RIN1: variants seen among roughly 807,000 people sequenced by gnomAD.
RIN1 encodes the protein ras inhibitor 1.
Under a neutral mutation model 64.9 loss-of-function variants are expected in RIN1, and 52 were observed. The ratio of observed to expected loss-of-function variants is 0.80; its 90% CI spans 0.64 to 1.01. The LOEUF is 1.01. Among genes scored for constraint, RIN1 ranks in the 50% least tolerant of loss-of-function variants. The pLI, the probability that RIN1 is intolerant of heterozygous loss-of-function variation, is 0.00. For synonymous variants in RIN1, 486 were observed against 483.6 expected, an observed-to-expected ratio of 1.00 and a Z score of -0.06; for missense variants, 1,040 against 1,064.5, an observed-to-expected ratio of 0.98 and a Z score of 0.32.
chr11:66,333,973 T>G lies in RIN1; in HGVS notation c.1537A>C (p.Lys513Gln), dbSNP rs890391323. The stretch of plus-strand genomic sequence containing the variant: ...AGCTTGCAGGCCTGCAGGAGCCGCT[T>G]GACCTGGGCGCTGGGTGAGTAGGTG... ...LRTYSPSAQV[K>Q]RLLQACKLLY... The change falls in exon 7 of 10, where the codon AAG (lysine) becomes CAG (glutamine). Residue 513 changes from lysine to glutamine, a missense_variant. Coordinates refer to ENST00000311320, the MANE Select transcript of RIN1 (RefSeq NM_004292.3). The G allele has an allele frequency of 2.8e-5, 44 of 1,560,158 alleles. No individual in the cohort carries two copies. The highest frequency in any genetic ancestry group is 3.5e-5 in the Non-Finnish European group (40 of 1,152,866).
Position 66,333,633 on chromosome 11 carries a change from G to GATT in RIN1, c.1616_1617insAAT (p.Phe539delinsLeuIle). 1 of 1,611,040 alleles carries GATT rather than the reference G, an allele frequency of 6.2e-7. No homozygotes were observed. Among genetic ancestry groups the GATT allele is most frequent in the Admixed American group, 1.7e-5 (1 of 59,618 alleles). On this transcript the variant is annotated protein_altering_variant, in exon 8 of 10. Transcript: ENST00000311320. The stretch of plus-strand genomic sequence containing the variant: ...CCAAGACGAGGCTCAGCAGAGGCAG[G>GATT]AACTCGTCGGCACCCGCGCCCTCCC...
chr11:66,333,859 T>TG (rs1203325484), intron 7 of RIN1, 60 bp downstream of exon 7: 10 of 1,460,058 alleles, frequency 6.8e-6, no homozygotes, highest in Non-Finnish European at 9.1e-6. Context: ...GACCTGCCGC[T>TG]GGGGGGCCCG....
intron 1 of RIN1, 58 bp downstream of exon 1, chr11:66,336,259 G>A: frequency 2.6e-6 from 4 of 1,536,476 alleles, no homozygotes; most frequent in African/African-American, 1.4e-5. Context: ...TCCCCGGATA[G>A]GCCCTCCTCT....
At chr11:66,335,939 C>G (rs1467764481) in intron 2 of RIN1, 39 bp downstream of exon 2, 1 of 1,491,738 alleles carries the variant, frequency 6.7e-7, no homozygotes, top group Non-Finnish European at 8.9e-7. Flanking sequence ...CCCTCCCACC[C>G]CTGGCTGGCC....
chr11:66,335,562 C>T, intron 4 of RIN1, 48 bp downstream of exon 4: 1 of 1,612,782 alleles, frequency 6.2e-7, no homozygotes, highest in Non-Finnish European at 8.5e-7. Flanking sequence ...ATGGGCTGTC[C>T]CAAGGAGCAG....
chr11:66,334,283 G>T, intron 6 of RIN1, 59 bp from the exon 7 acceptor site: 1 of 1,343,962 alleles, frequency 7.4e-7, no homozygotes, highest in Non-Finnish European at 9.9e-7. Context: ...GCAGAGGCAA[G>T]GGGAGAAGGG....
chr11:66,335,057 G>C lies in RIN1; in HGVS notation c.742C>G (p.Arg248Gly), dbSNP rs141887009. 3.1e-5 allele frequency: 48 copies of C among 1,526,980 alleles called. No individual in the cohort carries two copies. The highest frequency in any genetic ancestry group is 4.2e-5 in the Non-Finnish European group (48 of 1,139,756). 94.6% of individuals were successfully genotyped at this position (1,526,980 alleles called of 1,614,324 possible). The change falls in exon 6 of 10, where the codon CGC (arginine) becomes GGC (glycine). Residue 248 changes from arginine (R) to glycine (G), a missense_variant. Transcript: ENST00000311320. ...GGGCTGGAGGTCTCTGTGGACACGC[G>C]CACTTTGAAGCTTCTCTTGAATTTC... ...REKFKRSFKV[R>G]VSTETSSPLS...
Position 66,334,920 on chromosome 11 carries a change from C to A in RIN1, c.879G>T (p.Val293=), listed in dbSNP as rs760473407. 2 of 1,586,700 alleles carry A rather than the reference C, an allele frequency of 1.3e-6. No homozygotes were observed. Among genetic ancestry groups the A allele is most frequent in the African/African-American group, 1.3e-5 (1 of 74,580 alleles). ...PCQLLRRESS[V]GYRVPAGSGP... is the part of the protein sequence containing the mutation. ...CACTGCCTGCTGGCACGCGGTACCC[C>A]ACTGAGCTCTCCCTCCGTAGCAGCT... Residue 293 remains valine (V), a synonymous_variant, in exon 6 of 10, where the codon GTG becomes GTT. Coordinates refer to ENST00000311320, the MANE Select transcript of RIN1 (RefSeq NM_004292.3).
chr11:66,335,258 A>T lies in RIN1; in HGVS notation c.548-7T>A. 1 of 1,572,492 alleles carries T rather than the reference A, an allele frequency of 6.4e-7. No individual in the cohort carries two copies. On this transcript the variant is annotated splice_polypyrimidine_tract_variant and splice_region_variant and intron_variant, in intron 5 of 9. Coordinates refer to ENST00000311320, the MANE Select transcript of RIN1 (RefSeq NM_004292.3). ...AGGGAGGAGCTCCAGAACTCTAGGG[A>T]ACAAGAAACCGACTGGGGCCTCCGG... is the stretch of plus-strand genomic sequence containing the variant.
upstream of RIN1, chr11:66,336,601 C>G: frequency 1.8e-6 from 1 of 561,244 alleles, no homozygotes; most frequent in Admixed American, 3.2e-5. Flanking sequence ...TCCATGCTAG[C>G]CCTGCTCTGA....
rs1040902890 is a variant in RIN1, at chr11:66,332,088, C to T, written c.*188G>A. The T allele has an allele frequency of 2.9e-5, 19 of 648,206 alleles. No individual in the cohort carries two copies. Among genetic ancestry groups the T allele is most frequent in the Non-Finnish European group, 3.7e-5 (14 of 376,512 alleles). 40.2% of individuals were successfully genotyped at this position (648,206 alleles called of 1,614,324 possible). ...CTTGGGCACACAGTCTGGGGGCCCC[C>T]GAAGCCCCCTCATCTTTATTCCAGT... On this transcript the variant is annotated 3_prime_UTR_variant, in exon 10 of 10. Transcript: ENST00000311320.
At position 66,331,274 on chromosome 11, in the gene RIN1, C is replaced by G. The variant is rs1279823386; in HGVS notation, c.*1002G>C. 6.6e-6 allele frequency: 1 copy of G among 152,288 alleles called. No individual in the cohort carries two copies. Among genetic ancestry groups the G allele is most frequent in the South Asian group, 2.1e-4 (1 of 4,838 alleles). 9.4% of individuals were successfully genotyped at this position (152,288 alleles called of 1,614,324 possible). A position where few individuals can be genotyped will look rare whatever the true frequency, so the allele number is the denominator to read the frequency against. Reference sequence around the variant, plus strand: ...GATGCCCTGGTTTGGGCGGGGGAACCCTTAAGGACTTGCTATATGACATCC... The same window carrying G: ...GATGCCCTGGTTTGGGCGGGGGAACGCTTAAGGACTTGCTATATGACATCC... On this transcript the variant is annotated 3_prime_UTR_variant, in exon 10 of 10. Coordinates refer to ENST00000311320, the MANE Select transcript of RIN1 (RefSeq NM_004292.3).
In RIN1 at chr11:66,333,642, G is replaced by A. The variant is rs370791690; in HGVS notation, c.1608C>T (p.Ala536=). 15 of 1,612,384 alleles carry A rather than the reference G, an allele frequency of 9.3e-6. No individual in the cohort carries two copies. The highest frequency in any genetic ancestry group is 1.3e-5 in the African/African-American group (1 of 74,900). Residue 536 remains alanine (A), a synonymous_variant, in exon 8 of 10, where the codon GCC becomes GCT. Coordinates refer to ENST00000311320, the MANE Select transcript of RIN1 (RefSeq NM_004292.3). ...LRTQEGEGAG[A]DEFLPLLSLV... is the part of the protein sequence containing the mutation. ...GGCTCAGCAGAGGCAGGAACTCGTC[G>A]GCACCCGCGCCCTCCCCTGTGGGGA...
At chr11:66,335,535 C>A (rs769139792) in intron 4 of RIN1, 37 bp from the exon 5 acceptor site, 1 of 1,612,880 alleles carries the variant, frequency 6.2e-7, no homozygotes, top group Non-Finnish European at 8.5e-7. Flanking sequence ...GAGTGAGGGC[C>A]GAAGAGGGCG....
Position 66,334,995 on chromosome 11 carries a change from G to A in RIN1, c.804C>T (p.Pro268=), listed in dbSNP as rs766198724. The A allele has an allele frequency of 9.7e-6, 15 of 1,546,162 alleles. No individual in the cohort carries two copies. The highest frequency in any genetic ancestry group is 8.7e-5 in the South Asian group (7 of 80,132). The change falls in exon 6 of 10, where the codon CCC becomes CCT. Residue 268 remains proline, a synonymous_variant. Coordinates refer to ENST00000311320, the MANE Select transcript of RIN1 (RefSeq NM_004292.3). ...SPPAVPPPPV[P]VLPGAVPSQT... is the part of the protein sequence containing the mutation. Reference sequence around the variant, plus strand: ...GGCTGGGGACTGCCCCTGGCAGCACGGGGACGGGGGGAGGTGGCACGGCAG... The same window carrying A: ...GGCTGGGGACTGCCCCTGGCAGCACAGGGACGGGGGGAGGTGGCACGGCAG...
At position 66,332,602 on chromosome 11, in the gene RIN1, A is replaced by G. The variant is rs1854764508; in HGVS notation, c.2026T>C (p.Tyr676His). Residue 676 changes from tyrosine (Y) to histidine (H), a missense_variant, in exon 10 of 10, where the codon TAC becomes CAC. Tyr to His is a moderately conservative substitution (Grantham distance 83). Transcript: ENST00000311320. ...TQPNTFGLFLYKEQGYHRLPP... is the reference protein window; with the variant it reads ...TQPNTFGLFLHKEQGYHRLPP... ...AGGCGGTGGTAGCCCTGCTCCTTGT[A>G]CAGGAAGAGGCCAAAAGTGTTGGGC... The G allele has an allele frequency of 4.4e-6, 7 of 1,607,660 alleles. No individual in the cohort carries two copies. Among genetic ancestry groups the G allele is most frequent in the Non-Finnish European group, 6.0e-6 (7 of 1,176,116 alleles).
chr11:66,332,942 G>T, intron 9 of RIN1, 190 bp from the exon 10 acceptor site: 1 of 615,348 alleles, frequency 1.6e-6, no homozygotes, highest in East Asian at 2.8e-5. Flanking sequence ...GCAGGTGCAA[G>T]GACAGCCCAG....
Position 66,335,720 on chromosome 11 carries a change from C to T in RIN1, c.383-38G>A, listed in dbSNP as rs185322468. The T allele has an allele frequency of 3.2e-4, 512 of 1,612,292 alleles. No homozygotes were observed. In the African/African-American group the frequency reaches 5.7e-3, roughly 18 times the overall value. The stretch of plus-strand genomic sequence containing the variant: ...GGAAGTGAGGTGCTTCTCTGGGGAA[C>T]CTCCCTGCTTCCAGCCCCTTCCCGC... On this transcript the variant is annotated intron_variant, in intron 3 of 9. Transcript: ENST00000311320.
Position 66,335,829 on chromosome 11 carries a change from G to A in RIN1, c.315C>T (p.Cys105=). ...GGCCACTGGCTTCAGGCAACCGCAT[G>A]CACAGGGCCTGGCACTGGCGGGTGT... ...KSNTRQCQAL[C]MRLPEASGPS... Residue 105 remains cysteine, a synonymous_variant, in exon 3 of 10, where the codon TGC becomes TGT. Transcript: ENST00000311320. 1.2e-6 allele frequency: 2 copies of A among 1,605,772 alleles called. No homozygotes were observed. Among genetic ancestry groups the A allele is most frequent in the Non-Finnish European group, 1.7e-6 (2 of 1,174,966 alleles).
Sources: gnomAD v4.1 joint callset for allele counts on GRCh38, gnomAD v4.1.1 for gene constraint, MANE v1.5 for transcripts, NCBI Gene and HGNC (gene_info 2026-07-23, HGNC 2026-07-21) for gene names.